Variants in ENOX1 observed in about 807,000 individuals in gnomAD.
The protein encoded by ENOX1 is candidate growth-related and time keeping constitutive hydroquinone (NADH) oxidase.
A neutral mutation model predicts 82.5 loss-of-function variants in ENOX1; 42 were observed. That is an observed-to-expected ratio of 0.51 (90% CI 0.40 to 0.66). The LOEUF is 0.66. Ranked by LOEUF, ENOX1 falls within the 30% of genes least tolerant of loss-of-function variation. ENOX1 has a pLI of 0.00. For synonymous variants in ENOX1, 271 were observed against 282.2 expected (o/e 0.96, Z 0.40); for missense variants, 608 against 811.6 (o/e 0.75, Z 3.05).
intron 9 of ENOX1, among the ~76,000 whole-genome samples, chr13:43,341,284 A>G (rs2049039750): frequency 6.2e-5 from 9 of 144,022 alleles, no homozygotes; most frequent in Admixed American, 5.4e-4. Flanking sequence ...TGACAGAGTG[A>G]GACTCCATCT....
chr13:43,220,502 A>G (rs1048976950), intron 16 of ENOX1, among the ~76,000 whole-genome samples: 8 of 152,182 alleles, frequency 5.3e-5, no homozygotes, highest in African/African-American at 1.9e-4. Context: ...AAGCTTGTTG[A>G]GAATAGGGTT....
intron 9 of ENOX1, among the ~76,000 whole-genome samples, chr13:43,337,126 CACGGTTTACT>C (rs2048758789): frequency 1.3e-5 from 2 of 152,324 alleles, no homozygotes; most frequent in Admixed American, 1.3e-4. Context: ...TCATTGAGAT[CACGGTTTACT>C]AAAAAACACT....
chr13:43,577,664 G>C (rs2153715341), intron 2 of ENOX1, among the ~76,000 whole-genome samples: 1 of 152,268 alleles, frequency 6.6e-6, no homozygotes, highest in African/African-American at 2.4e-5. Context: ...TCCTCCCAAA[G>C]GACCCCACTT....
intron 14 of ENOX1, among the ~76,000 whole-genome samples, chr13:43,249,925 G>A (rs1049820773): frequency 3.3e-5 from 5 of 152,138 alleles, no homozygotes; most frequent in South Asian, 2.1e-4. Flanking sequence ...AGAACCAAGC[G>A]TTCCTGATTG....
chr13:43,284,771 GGTGTGT>G (rs72187459), intron 12 of ENOX1, among the ~76,000 whole-genome samples: 38,342 of 143,506 alleles, frequency 0.27, 5,336 homozygotes, highest in Middle Eastern at 0.34. Context: ...ATTTGTTAAA[GGTGTGT>G]GTGTGTGTGT....
intron 3 of ENOX1, among the ~76,000 whole-genome samples, chr13:43,417,046 C>A (rs890028751): frequency 3.3e-5 from 5 of 152,134 alleles, no homozygotes; most frequent in Non-Finnish European, 5.9e-5. Context: ...CTGTCTCCAC[C>A]AAAAATACAA....
At chr13:43,450,442 C>T (rs2056900726) in intron 3 of ENOX1, among the ~76,000 whole-genome samples, 1 of 152,046 alleles carries the variant, frequency 6.6e-6, no homozygotes. Context: ...GATAGTTTGT[C>T]ACAGTTCCAA....
At chr13:43,294,765 T>C (rs889851848) in intron 12 of ENOX1, among the ~76,000 whole-genome samples, 24 of 152,226 alleles carry the variant, frequency 1.6e-4, no homozygotes, top group Admixed American at 1.4e-3. Flanking sequence ...ACCACAGCTC[T>C]TTCTTACGGT....
At chr13:43,223,196 T>C (rs2041874922) in intron 16 of ENOX1, among the ~76,000 whole-genome samples, 1 of 152,236 alleles carries the variant, frequency 6.6e-6, no homozygotes, top group South Asian at 2.1e-4. Flanking sequence ...ACCAATCCCA[T>C]GCGTTTTGCT....
At chr13:43,678,616 AGC>A (rs1302750569) in intron 1 of ENOX1, among the ~76,000 whole-genome samples, 1 of 152,214 alleles carries the variant, frequency 6.6e-6, no homozygotes, top group East Asian at 1.9e-4. Flanking sequence ...ATTCCAATCT[AGC>A]TGTTTGTCAG....
chr13:43,712,527 T>C (rs2153814220), intron 1 of ENOX1, among the ~76,000 whole-genome samples: 1 of 150,936 alleles, frequency 6.6e-6, no homozygotes, highest in South Asian at 2.1e-4. Flanking sequence ...ATTTTCATGA[T>C]ATTGATTCTT....
chr13:43,561,213 G>A (rs1482790962), intron 2 of ENOX1, among the ~76,000 whole-genome samples: 1 of 152,128 alleles, frequency 6.6e-6, no homozygotes, highest in Non-Finnish European at 1.5e-5. Context: ...ACTAACTAGA[G>A]TGTAGTCTGT....
chr13:43,467,169 T>A (rs934237520), intron 3 of ENOX1, among the ~76,000 whole-genome samples: 1 of 152,210 alleles, frequency 6.6e-6, no homozygotes, highest in Admixed American at 6.5e-5. Context: ...TATGATTAAC[T>A]TTTTAAGAAA....
At chr13:43,288,847 T>C (rs976262163) in intron 12 of ENOX1, among the ~76,000 whole-genome samples, 5 of 152,158 alleles carry the variant, frequency 3.3e-5, no homozygotes, top group Admixed American at 2.6e-4. Context: ...ACATCTTTCA[T>C]AATGGCTCTT....
chr13:43,310,163 C>A (rs2047113063), intron 11 of ENOX1, among the ~76,000 whole-genome samples: 1 of 136,474 alleles, frequency 7.3e-6, no homozygotes, highest in African/African-American at 2.8e-5. Context: ...CACGCCATTG[C>A]ACTCTACCCT....
chr13:43,649,388 G>A (rs2084047345), intron 2 of ENOX1, among the ~76,000 whole-genome samples: 2 of 152,188 alleles, frequency 1.3e-5, no homozygotes, highest in South Asian at 2.1e-4. Context: ...GCCTTACTGT[G>A]TGAGAAGGGG....
At chr13:43,399,002 T>C (rs1318124276) in intron 5 of ENOX1, among the ~76,000 whole-genome samples, 2 of 151,630 alleles carry the variant, frequency 1.3e-5, no homozygotes, top group Non-Finnish European at 2.9e-5. Context: ...CCATGTTGGT[T>C]AGACTGATTT....
intron 12 of ENOX1, among the ~76,000 whole-genome samples, chr13:43,288,720 T>G (rs1419422866): frequency 2.0e-5 from 3 of 152,178 alleles, no homozygotes; most frequent in African/African-American, 7.2e-5. Flanking sequence ...TCCTTCTAAT[T>G]GAACATTTTT....
At chr13:43,648,234 A>C (rs1328441373) in intron 2 of ENOX1, among the ~76,000 whole-genome samples, 1 of 152,220 alleles carries the variant, frequency 6.6e-6, no homozygotes, top group Admixed American at 6.5e-5. Flanking sequence ...GAAAGCATGT[A>C]TTTACTCACC....
Sources: gnomAD v4.1 joint callset for allele counts (sites outside exome capture counted in the v4.1 genomes callset) on GRCh38, gnomAD v4.1.1 for gene constraint, MANE v1.5 for transcripts, NCBI Gene and HGNC (gene_info 2026-07-23, HGNC 2026-07-21) for gene names.